TNC: variants seen among roughly 807,000 people sequenced by gnomAD.
The protein encoded by TNC is tenascin C, also known as tenascin.
A neutral mutation model predicts 202.4 loss-of-function variants in TNC; 109 were observed. The observed-to-expected ratio is 0.54, with a 90% CI of 0.46 to 0.63. The LOEUF is 0.63. Among genes scored for constraint, TNC ranks in the 30% least tolerant of loss-of-function variants. The pLI, the probability that TNC is intolerant of heterozygous loss-of-function variation, is 0.00. For synonymous variants in TNC, 1,007 were observed against 1,089.7 expected, an observed-to-expected ratio of 0.92 and a Z score of 1.50; for missense variants, 2,756 against 2,833.3, an observed-to-expected ratio of 0.97 and a Z score of 0.62.
chr9:115,094,275 C>T (rs4979493), intron 1 of TNC, among the ~76,000 whole-genome samples: 52,880 of 151,934 alleles, frequency 0.35, 10,527 homozygotes, highest in South Asian at 0.46. Context: ...TGAGCTTGAC[C>T]GCCTAGTTGA....
chr9:115,086,242 G>A lies in TNC; in HGVS notation c.1489C>T (p.Arg497Trp), dbSNP rs534887266. ...CDDGYTGEDC[R>W]DRQCPRDCSN... ...CAGTCCCTGGGGCATTGGCGATCCC[G>A]GCAGTCTTCCCCTGTGTAGCCGTCA... Residue 497 changes from arginine to tryptophan, a missense_variant, in exon 3 of 28, where the codon CGG becomes TGG. Transcript: ENST00000350763. The A allele has an allele frequency of 1.6e-4, 259 of 1,614,162 alleles. 2 individuals are homozygous for A. In the South Asian group the frequency reaches 2.0e-3, roughly 13 times the overall value.
At chr9:115,052,810 A>G (rs1384525334) in intron 15 of TNC, 1 of 702,712 alleles carries the variant, frequency 1.4e-6, no homozygotes, top group South Asian at 1.5e-5. Flanking sequence ...CACTGACGTC[A>G]TAGCCAGTGT....
In TNC at chr9:115,041,091, C is replaced by A. The variant is rs1270826364; in HGVS notation, c.5249-7G>T. ...GTTACCATGGAGGGTGTACCTGGAA[C>A]ACAGTAAAAGCAAGATGAGGAATAA... is the stretch of plus-strand genomic sequence containing the variant. On this transcript the variant is annotated splice_polypyrimidine_tract_variant and splice_region_variant and intron_variant, in intron 18 of 27. Coordinates refer to ENST00000350763, the MANE Select transcript of TNC (RefSeq NM_002160.4). The A allele has an allele frequency of 6.2e-7, 1 of 1,608,718 alleles. No individual in the cohort carries two copies. Among genetic ancestry groups the A allele is most frequent in the Middle Eastern group, 1.7e-4 (1 of 6,016 alleles).
chr9:115,040,798 A>G, intron 19 of TNC, 143 bp downstream of exon 19: 2 of 1,103,610 alleles, frequency 1.8e-6, no homozygotes, highest in East Asian at 5.5e-5. Context: ...ACTTTCCACT[A>G]GGATCTCATA....
intron 1 of TNC, among the ~76,000 whole-genome samples, chr9:115,091,429 G>T (rs1395720096): frequency 6.6e-6 from 1 of 152,144 alleles, no homozygotes; most frequent in Middle Eastern, 3.2e-3. Context: ...ACATAGGTTT[G>T]TATCTTGGCT....
intron 20 of TNC, among the ~76,000 whole-genome samples, chr9:115,037,271 C>A (rs1830402151): frequency 6.6e-6 from 1 of 152,210 alleles, no homozygotes; most frequent in African/African-American, 2.4e-5. Flanking sequence ...AAAACAATAC[C>A]AAACCATAAA....
chr9:115,021,717 A>G (rs917590888), intron 27 of TNC, among the ~76,000 whole-genome samples: 1 of 152,252 alleles, frequency 6.6e-6, no homozygotes, highest in Non-Finnish European at 1.5e-5. Flanking sequence ...ATGGAATAGC[A>G]GAACGAACAG....
intron 23 of TNC, 129 bp from the exon 24 acceptor site, chr9:115,030,534 T>G: frequency 9.3e-7 from 1 of 1,078,070 alleles, no homozygotes; most frequent in Non-Finnish European, 1.3e-6. Flanking sequence ...TGCAAACAAT[T>G]AAAAACTCAT....
intron 1 of TNC, among the ~76,000 whole-genome samples, chr9:115,100,766 G>A (rs930668965): frequency 7.9e-5 from 12 of 152,252 alleles, no homozygotes; most frequent in African/African-American, 1.9e-4. Flanking sequence ...TATGTAAAGC[G>A]ATGGATGTGT....
chr9:115,109,607 CT>C (rs1836883861), intron 1 of TNC, among the ~76,000 whole-genome samples: 2 of 152,322 alleles, frequency 1.3e-5, no homozygotes, highest in African/African-American at 4.8e-5. Context: ...AGATTTTCAG[CT>C]ATCTCTTGTG....
Position 115,026,230 on chromosome 9 carries a change from T to A in TNC, c.6331+304A>T, listed in dbSNP as rs542012319. Among the ~76,000 whole-genome samples the A allele has an allele frequency of 2.6e-5, 4 of 152,292 alleles. No individual in the cohort carries two copies. In the East Asian group the frequency reaches 5.8e-4, roughly 22 times the overall value. On this transcript the variant is annotated intron_variant, in intron 26 of 27. Transcript: ENST00000350763. ...TAAGGCCTTTGGGGAATTTTTTTTT[T>A]AATCAGTCTACAACTGATATCTAAA...
Position 115,089,396 on chromosome 9 carries a change from C to A in TNC, c.457+1166G>T, listed in dbSNP as rs370237167. On this transcript the variant is annotated intron_variant, in intron 2 of 27. Transcript: ENST00000350763. ...ACATAATTCCAAAGCAGCAAAATTC[C>A]TTGAAATAGGATGCATGTGGAAACA... is the stretch of plus-strand genomic sequence containing the variant. 5.9e-5 allele frequency among the ~76,000 whole-genome samples: 9 copies of A among 152,080 alleles called. No individual in the cohort carries two copies. The East Asian group carries it at 9.6e-4, about 16-fold the overall frequency.
chr9:115,103,003 AG>A (rs1197161244), intron 1 of TNC, among the ~76,000 whole-genome samples: 5 of 152,236 alleles, frequency 3.3e-5, no homozygotes, highest in Non-Finnish European at 5.9e-5. Flanking sequence ...TCTCTTCTAC[AG>A]TAAGATGTAT....
Position 115,046,538 on chromosome 9 carries a change from A to C in TNC, c.4997T>G (p.Ile1666Arg). The stretch of plus-strand genomic sequence containing the variant: ...GGTACGTTCGGGGGCAAGTAGGGTT[A>C]TTTCCAGTGGCTCAGACTGCTTTTT... ...DTKKQSEPLE[I>R]TLLAPERTRD... is the part of the protein sequence containing the mutation. The change falls in exon 17 of 28, where the codon ATA becomes AGA. Residue 1666 changes from isoleucine (I) to arginine (R), a missense_variant. Ile to Arg is a moderately conservative substitution (Grantham distance 97). Around this residue, in one of 2 missense-constraint regions of TNC, gnomAD observed 2,559 missense variants for 2,546.0 expected, o/e 1.01. Transcript: ENST00000350763. 1 of 1,614,098 alleles carries C rather than the reference A, an allele frequency of 6.2e-7. No homozygotes were observed. The highest frequency in any genetic ancestry group is 8.5e-7 in the Non-Finnish European group (1 of 1,180,010).
chr9:115,113,038 G>A (rs766738054), intron 1 of TNC, among the ~76,000 whole-genome samples: 3 of 152,248 alleles, frequency 2.0e-5, no homozygotes, highest in South Asian at 2.1e-4. Flanking sequence ...TAGAGAAAAC[G>A]TATTACATTA....
At chr9:115,117,777 A>G (rs1837575576) in intron 1 of TNC, among the ~76,000 whole-genome samples, 1 of 152,240 alleles carries the variant, frequency 6.6e-6, no homozygotes, top group African/African-American at 2.4e-5. Flanking sequence ...CTGACTATTC[A>G]TAAAGTTAAA....
chr9:115,081,943 C>T lies in TNC; in HGVS notation c.2248-15G>A. Reference sequence around the variant, plus strand: ...TCTTCTTTATTCTGAGAGATAGAGGCAGCTTGGTAAGAGTTAGGGGAGGTG... The same window carrying T: ...TCTTCTTTATTCTGAGAGATAGAGGTAGCTTGGTAAGAGTTAGGGGAGGTG... On this transcript the variant is annotated splice_polypyrimidine_tract_variant and intron_variant, in intron 5 of 27. Transcript: ENST00000350763. 6.3e-7 allele frequency: 1 copy of T among 1,579,344 alleles called. No homozygotes were observed. Among genetic ancestry groups the T allele is most frequent in the Non-Finnish European group, 8.5e-7 (1 of 1,171,414 alleles).
At position 115,078,063 on chromosome 9, in the gene TNC, T is replaced by C; in HGVS notation, c.2554A>G (p.Thr852Ala). ...VPGDRTTIDL[T>A]EDENQYSIGN... ...ATGGAGTACTGGTTCTCGTCCTCTG[T>C]GAGATCGATGGTGGTACGGTCTCCT... Residue 852 changes from threonine (T) to alanine (A), a missense_variant, in exon 7 of 28, where the codon ACA becomes GCA. Coordinates refer to ENST00000350763, the MANE Select transcript of TNC (RefSeq NM_002160.4). The C allele has an allele frequency of 6.2e-7, 1 of 1,614,234 alleles. No individual in the cohort carries two copies. The highest frequency in any genetic ancestry group is 8.5e-7 in the Non-Finnish European group (1 of 1,180,034).
intron 1 of TNC, among the ~76,000 whole-genome samples, chr9:115,115,940 A>G (rs1837428088): frequency 6.6e-6 from 1 of 152,238 alleles, no homozygotes; most frequent in Admixed American, 6.5e-5. Flanking sequence ...ATAAGTTTAA[A>G]AATCATGATC....
Sources: gnomAD v4.1 joint callset for allele counts (sites outside exome capture counted in the v4.1 genomes callset) on GRCh38, gnomAD v4.1.1 for gene constraint, gnomAD v4.1.1 regional missense constraint, MANE v1.5 for transcripts, NCBI Gene and HGNC (gene_info 2026-07-23, HGNC 2026-07-21) for gene names.